The following ST7L variants were observed in gnomAD, a reference collection of about 807,000 sequenced individuals.
The protein encoded by ST7L is suppression of tumorigenicity 7 like, also known as suppressor of tumorigenicity 7 protein-like.
ST7L carries 57 observed loss-of-function variants against 72.5 expected under a neutral mutation model. That is an observed-to-expected ratio of 0.79 (90% CI 0.64 to 0.98). ST7L has a LOEUF of 0.98. Ranked by LOEUF, ST7L falls within the 50% of genes least tolerant of loss-of-function variation. The pLI is 0.00. For synonymous variants in ST7L, 221 were observed against 240.9 expected (o/e 0.92, Z 0.77); for missense variants, 576 against 672.2 (o/e 0.86, Z 1.58).
At chr1:112,551,349 C>G (rs908746201) in intron 12 of ST7L, among the ~76,000 whole-genome samples, 1 of 151,684 alleles carries the variant, frequency 6.6e-6, no homozygotes, top group South Asian at 2.1e-4. Flanking sequence ...GGGGTTTCAC[C>G]GTGTTAGCCA....
At chr1:112,598,989 G>A (rs1237958533) in intron 4 of ST7L, among the ~76,000 whole-genome samples, 2 of 146,476 alleles carry the variant, frequency 1.4e-5, no homozygotes, top group Non-Finnish European at 3.0e-5. Context: ...GAACCCAGGA[G>A]GAGGAGATTG....
intron 12 of ST7L, among the ~76,000 whole-genome samples, chr1:112,553,264 T>C (rs572712988): frequency 1.8e-4 from 25 of 137,966 alleles, no homozygotes; most frequent in Admixed American, 4.4e-4. Flanking sequence ...ACACACATAT[T>C]AGAGAGAATC....
At chr1:112,547,918 G>A (rs1657434098) in intron 13 of ST7L, among the ~76,000 whole-genome samples, 1 of 152,108 alleles carries the variant, frequency 6.6e-6, no homozygotes. Flanking sequence ...AGAATAGGGT[G>A]AGAGGGAGAA....
chr1:112,548,092 C>G (rs1427159331), intron 13 of ST7L, among the ~76,000 whole-genome samples: 2 of 152,058 alleles, frequency 1.3e-5, no homozygotes, highest in Non-Finnish European at 2.9e-5. Context: ...TAGTGGCTCA[C>G]ACTTGTAATC....
At chr1:112,603,457 G>A (rs947099626) in intron 3 of ST7L, among the ~76,000 whole-genome samples, 3 of 152,108 alleles carry the variant, frequency 2.0e-5, no homozygotes, top group African/African-American at 2.4e-5. Flanking sequence ...TCAAAAAAAG[G>A]TATCCACAAT....
chr1:112,527,271 C>T (rs915717826), intron 14 of ST7L: 2 of 152,318 alleles, frequency 1.3e-5, no homozygotes, highest in African/African-American at 2.4e-5. Context: ...GACCTGGGCC[C>T]CTACTTGAGC....
chr1:112,566,976 G>A (rs577811398), intron 11 of ST7L, among the ~76,000 whole-genome samples: 4 of 152,124 alleles, frequency 2.6e-5, no homozygotes, highest in Admixed American at 6.5e-5. Flanking sequence ...TATATACCTT[G>A]GAGTAGGATT....
At chr1:112,536,927 T>TAC (rs1339784825) in intron 14 of ST7L, among the ~76,000 whole-genome samples, 2 of 152,168 alleles carry the variant, frequency 1.3e-5, no homozygotes, top group Non-Finnish European at 2.9e-5. Context: ...CTCTGATTCC[T>TAC]ACCTTTACCT....
intron 4 of ST7L, 95 bp downstream of exon 4, chr1:112,600,699 G>C (rs1667250016): frequency 9.5e-7 from 1 of 1,050,044 alleles, no homozygotes; most frequent in Non-Finnish European, 1.4e-6. Flanking sequence ...TCTTCTACTA[G>C]AAGAGCTGCG....
intron 11 of ST7L, among the ~76,000 whole-genome samples, chr1:112,571,526 A>C (rs1298797410): frequency 6.6e-6 from 1 of 152,156 alleles, no homozygotes; most frequent in Non-Finnish European, 1.5e-5. Flanking sequence ...TCCCAGGTTC[A>C]AGTGATTCTC....
rs372989153 is a variant in ST7L at position 112,618,888 on chromosome 1, CAGG to C, written c.205+18_205+20del. On this transcript the variant is annotated intron_variant, in intron 1 of 14. Transcript: ENST00000358039. ...TCTCTCCTGGCCCCCCGCCCTGCCC[CAGG>C]AGGTCTGGTCCTCTCACCCGCTGCC... 526 of 1,552,096 alleles carry C rather than the reference CAGG, an allele frequency of 3.4e-4. 7 individuals carry two copies. The East Asian group carries it at 0.011, about 31-fold the overall frequency.
intron 3 of ST7L, among the ~76,000 whole-genome samples, chr1:112,605,371 C>T (rs541574748): frequency 5.9e-5 from 9 of 151,506 alleles, no homozygotes; most frequent in Non-Finnish European, 8.8e-5. Context: ...CCAGCCTGGG[C>T]GACAGAGTGA....
At position 112,566,294 on chromosome 1, in the gene ST7L, C is replaced by CTTTTTTTTTTTTT. The variant is rs33915951; in HGVS notation, c.1246-10277_1246-10276insAAAAAAAAAAAAA. On this transcript the variant is annotated intron_variant, in intron 11 of 14. Transcript: ENST00000358039. ...TTTTCTTTTATTTCTTTTTCTTCTT[C>CTTTTTTTTTTTTT]TTCTTTTTTTTTTTTTTTTTTGAGA... Among the ~76,000 whole-genome samples, 60 of 108,946 alleles carry CTTTTTTTTTTTTT rather than the reference C, an allele frequency of 5.5e-4. 2 individuals carry two copies. The highest frequency in any genetic ancestry group is 7.1e-4 in the African/African-American group (17 of 24,048). The allele number at this position is 108,946 out of a possible 152,430, so 71.5% of individuals were successfully genotyped here.
At chr1:112,585,513 C>A (rs532940330) in intron 6 of ST7L, among the ~76,000 whole-genome samples, 15 of 152,064 alleles carry the variant, frequency 9.9e-5, no homozygotes, top group African/African-American at 1.9e-4. Flanking sequence ...GAGGCCGAGG[C>A]GGGCGGATCA....
chr1:112,571,888 A>T (rs1344473368), intron 11 of ST7L, among the ~76,000 whole-genome samples: 2 of 152,188 alleles, frequency 1.3e-5, no homozygotes, highest in Non-Finnish European at 2.9e-5. Flanking sequence ...TGACATATAA[A>T]ATTTACTTTG....
intron 12 of ST7L, among the ~76,000 whole-genome samples, chr1:112,553,908 A>G (rs1463435892): frequency 2.6e-5 from 4 of 152,168 alleles, no homozygotes; most frequent in Non-Finnish European, 5.9e-5. Flanking sequence ...TTACTCTGTC[A>G]CCCAAGCTGG....
At chr1:112,544,084 T>C (rs7551933) in intron 13 of ST7L, among the ~76,000 whole-genome samples, 32,730 of 152,114 alleles carry the variant, frequency 0.22, 3,731 homozygotes, top group Middle Eastern at 0.26. Context: ...ATGAGCCTAT[T>C]AGAGTACTTA....
intron 2 of ST7L, among the ~76,000 whole-genome samples, chr1:112,615,203 C>T (rs1197913116): frequency 2.0e-5 from 3 of 151,902 alleles, no homozygotes; most frequent in Non-Finnish European, 2.9e-5. Flanking sequence ...TCCATGTTTC[C>T]CAGGCTGGTC....
intron 11 of ST7L, among the ~76,000 whole-genome samples, chr1:112,562,791 C>T (rs1660389200): frequency 6.6e-6 from 1 of 152,062 alleles, no homozygotes; most frequent in Non-Finnish European, 1.5e-5. Flanking sequence ...AAGCAGAGGT[C>T]TTTTAAGACT....
Sources: gnomAD v4.1 joint callset for allele counts (sites outside exome capture counted in the v4.1 genomes callset) on GRCh38, gnomAD v4.1.1 for gene constraint, MANE v1.5 for transcripts, NCBI Gene and HGNC (gene_info 2026-07-23, HGNC 2026-07-21) for gene names.